PTPRO: variants seen among roughly 807,000 people sequenced by gnomAD.
The protein encoded by PTPRO is receptor-type tyrosine-protein phosphatase O.
In PTPRO, 62 loss-of-function variants were observed where a neutral mutation model predicts 145.2. The observed-to-expected ratio is 0.43, with a 90% confidence interval of 0.35 to 0.53. The LOEUF (loss-of-function observed/expected upper bound fraction) is 0.53. Among genes scored for constraint, PTPRO ranks in the 20% least tolerant of loss-of-function variants. PTPRO has a pLI of 0.01. For synonymous variants in PTPRO, 565 were observed against 514.7 expected, an observed-to-expected ratio of 1.10 and a Z score of -1.32; for missense variants, 1,345 against 1,482.7, an observed-to-expected ratio of 0.91 and a Z score of 1.53.
At position 15,499,503 on chromosome 12, in the gene PTPRO, C is replaced by T. The variant is rs759194670; in HGVS notation, c.570C>T (p.Ile190=). 2 of 1,613,546 alleles carry T rather than the reference C, an allele frequency of 1.2e-6. No homozygotes were observed. The highest frequency in any genetic ancestry group is 1.7e-6 in the Non-Finnish European group (2 of 1,179,562). The change falls in exon 4 of 27, where the codon ATC becomes ATT. Residue 190 remains isoleucine (I), a synonymous_variant. Transcript: ENST00000281171. ...TGCCAGGAATGTGTTATAGTAATAT[C>T]ACCTTTCAGCTGGTATCTGAGGCAA... ...HWLPGMCYSN[I]TFQLVSEATF...
intron 12 of PTPRO, among the ~76,000 whole-genome samples, chr12:15,542,422 C>T (rs1019128686): frequency 5.3e-5 from 8 of 152,202 alleles, no homozygotes; most frequent in African/African-American, 1.9e-4. Flanking sequence ...CAGCATGCGG[C>T]CTACGGGCCA....
At chr12:15,479,542 G>A (rs1286062812) in intron 1 of PTPRO, among the ~76,000 whole-genome samples, 1 of 152,204 alleles carries the variant, frequency 6.6e-6, no homozygotes, top group Non-Finnish European at 1.5e-5. Flanking sequence ...TCTTCAAAGA[G>A]AAGGGAGGGG....
At chr12:15,549,528 A>C (rs1013662419) in intron 14 of PTPRO, among the ~76,000 whole-genome samples, 2 of 152,118 alleles carry the variant, frequency 1.3e-5, no homozygotes, top group Non-Finnish European at 2.9e-5. Context: ...AACTCATCTC[A>C]TCTTCTTCAG....
chr12:15,580,885 T>G, intron 22 of PTPRO, 54 bp downstream of exon 22: 1 of 1,601,914 alleles, frequency 6.2e-7, no homozygotes, highest in South Asian at 1.1e-5. Flanking sequence ...CCCTAGCCAC[T>G]GCCGTTGATG....
intron 6 of PTPRO, among the ~76,000 whole-genome samples, chr12:15,506,736 A>T (rs1280726217): frequency 6.6e-6 from 1 of 152,174 alleles, no homozygotes; most frequent in African/African-American, 2.4e-5. Context: ...GGGGATTACA[A>T]TTCGAGATGA....
intron 1 of PTPRO, among the ~76,000 whole-genome samples, chr12:15,403,619 A>C (rs1274991837): frequency 6.6e-6 from 1 of 152,026 alleles, no homozygotes; most frequent in Non-Finnish European, 1.5e-5. Context: ...TCATTTCTCC[A>C]ATTTCAGCTT....
At chr12:15,327,986 C>T (rs1422613831) in intron 1 of PTPRO, among the ~76,000 whole-genome samples, 3 of 151,950 alleles carry the variant, frequency 2.0e-5, no homozygotes, top group Non-Finnish European at 2.9e-5. Context: ...TGGTGGCAGG[C>T]ACCTGTAATC....
chr12:15,523,996 G>T (rs1942783051), intron 10 of PTPRO, among the ~76,000 whole-genome samples: 2 of 151,588 alleles, frequency 1.3e-5, no homozygotes, highest in Admixed American at 1.3e-4. Flanking sequence ...ATGGGGTTTT[G>T]CTATGTTGCA....
At chr12:15,538,236 C>CT (rs1205898751) in intron 12 of PTPRO, among the ~76,000 whole-genome samples, 3 of 67,108 alleles carry the variant, frequency 4.5e-5, no homozygotes, top group Non-Finnish European at 1.2e-4. Flanking sequence ...CACTTTAGTG[C>CT]TTCTTTTTTT....
chr12:15,392,674 T>C, intron 1 of PTPRO, among the ~76,000 whole-genome samples: 1 of 129,158 alleles, frequency 7.7e-6, no homozygotes, highest in East Asian at 2.3e-4. Context: ...TGTGCTAAGA[T>C]GGAGCCACTG....
chr12:15,551,485 A>T (rs1449813523), intron 14 of PTPRO, 66 bp from the exon 15 acceptor site: 1 of 1,585,436 alleles, frequency 6.3e-7, no homozygotes, highest in Non-Finnish European at 8.6e-7. Context: ...ATGAAAAGCA[A>T]TGAATGGTTC....
At chr12:15,580,671 T>C (rs1302659654) in intron 21 of PTPRO, 26 bp from the exon 22 acceptor site, 3 of 1,613,812 alleles carry the variant, frequency 1.9e-6, no homozygotes, top group African/African-American at 1.3e-5. Flanking sequence ...TCTGGTTAGG[T>C]GATAATTTTG....
chr12:15,497,179 AG>A (rs1942124179), intron 2 of PTPRO, 65 bp from the exon 3 acceptor site: 1 of 1,406,204 alleles, frequency 7.1e-7, no homozygotes, highest in African/African-American at 1.4e-5. Flanking sequence ...GCTTAATTCA[AG>A]TATTGATATC....
chr12:15,343,794 G>A (rs905809635), intron 1 of PTPRO, among the ~76,000 whole-genome samples: 1 of 152,120 alleles, frequency 6.6e-6, no homozygotes, highest in African/African-American at 2.4e-5. Flanking sequence ...TCCGCCTCCC[G>A]GGTTCGCGCC....
intron 1 of PTPRO, among the ~76,000 whole-genome samples, chr12:15,357,518 T>A (rs1591736462): frequency 6.6e-6 from 1 of 152,066 alleles, no homozygotes; most frequent in African/African-American, 2.4e-5. Flanking sequence ...GAATCTACAA[T>A]GAACTCAAAC....
At chr12:15,452,083 T>C (rs1244544036) in intron 1 of PTPRO, among the ~76,000 whole-genome samples, 1 of 151,918 alleles carries the variant, frequency 6.6e-6, no homozygotes, top group African/African-American at 2.4e-5. Context: ...TAAATAAAAC[T>C]GATAGACCAT....
chr12:15,332,858 A>G (rs1348183277), intron 1 of PTPRO, among the ~76,000 whole-genome samples: 2 of 152,150 alleles, frequency 1.3e-5, no homozygotes, highest in Non-Finnish European at 2.9e-5. Context: ...TTAGTAGAGC[A>G]CTATATAGTA....
chr12:15,554,381 A>G (rs1387969520), intron 15 of PTPRO, among the ~76,000 whole-genome samples: 1 of 151,242 alleles, frequency 6.6e-6, no homozygotes, highest in Non-Finnish European at 1.5e-5. Context: ...TATATATCCT[A>G]TTAGATATTA....
At position 15,386,914 on chromosome 12, in the gene PTPRO, G is replaced by A. The variant is rs566789877; in HGVS notation, c.75+64113G>A. ...TCTTGTTTCTCCAAAACTGCTTGCA[G>A]AAATAGCTATGCCTTCTTTGCCATT... is the stretch of plus-strand genomic sequence containing the variant. On this transcript the variant is annotated intron_variant, in intron 1 of 26. Coordinates refer to ENST00000281171, the MANE Select transcript of PTPRO (RefSeq NM_030667.3). Among the ~76,000 whole-genome samples, 4 of 152,272 alleles carry A rather than the reference G, an allele frequency of 2.6e-5. No homozygotes were observed. The South Asian group carries it at 6.2e-4, about 24-fold the overall frequency.
Sources: allele counts gnomAD v4.1 joint callset (sites outside exome capture counted in the v4.1 genomes callset), GRCh38; gene constraint gnomAD v4.1.1; transcripts MANE v1.5; gene names NCBI Gene and HGNC (gene_info 2026-07-23, HGNC 2026-07-21).